Variants in ASIC2 observed in about 807,000 individuals in gnomAD.
ASIC2 encodes the protein acid sensing ion channel subunit 2.
A neutral mutation model predicts 57.3 loss-of-function variants in ASIC2; 25 were observed. The observed-to-expected ratio is 0.44, with a 90% CI of 0.32 to 0.61. The LOEUF is 0.61. Among genes scored for constraint, ASIC2 ranks in the 20% least tolerant of loss-of-function variants. The pLI is 0.06. For missense variants in ASIC2, 641 were observed against 738.1 expected, an observed-to-expected ratio of 0.87 and a Z score of 1.52; for synonymous variants, 319 against 307.5, an observed-to-expected ratio of 1.04 and a Z score of -0.39.
intron 1 of ASIC2, among the ~76,000 whole-genome samples, chr17:33,319,720 G>T (rs1195087110): frequency 1.3e-5 from 2 of 152,114 alleles, no homozygotes; most frequent in African/African-American, 4.8e-5. Flanking sequence ...TTTTTGTAGA[G>T]ATGGGGTTTC....
chr17:33,290,249 T>C (rs1307209565), intron 1 of ASIC2, among the ~76,000 whole-genome samples: 2 of 152,340 alleles, frequency 1.3e-5, no homozygotes, highest in African/African-American at 2.4e-5. Flanking sequence ...CCAACACTTG[T>C]TGGAACCGTG....
chr17:33,301,434 A>C (rs1048946804), intron 1 of ASIC2, among the ~76,000 whole-genome samples: 1 of 152,198 alleles, frequency 6.6e-6, no homozygotes, highest in Non-Finnish European at 1.5e-5. Flanking sequence ...CAGAATGTGG[A>C]TAAGTGACTA....
chr17:33,855,641 G>T (rs1441980212), intron 1 of ASIC2, among the ~76,000 whole-genome samples: 2 of 152,060 alleles, frequency 1.3e-5, no homozygotes, highest in African/African-American at 4.8e-5. Context: ...GCTGATGATG[G>T]GGATGATGAT....
Position 33,579,787 on chromosome 17 carries a change from A to C in ASIC2, c.556-467720T>G, listed in dbSNP as rs183590296. ...ATTCAGAAGAGCAAAAGAACAAACTACCACACCGTGAAAAACACCCCTTGG... is the reference window on the plus strand; with the variant it reads ...ATTCAGAAGAGCAAAAGAACAAACTCCCACACCGTGAAAAACACCCCTTGG... On this transcript the variant is annotated intron_variant, in intron 1 of 9. Coordinates refer to the ASIC2 transcript ENST00000359872. 1.1e-4 allele frequency among the ~76,000 whole-genome samples: 17 copies of C among 152,270 alleles called. 1 individual carries two copies. The highest frequency in any genetic ancestry group is 3.6e-4 in the African/African-American group (15 of 41,534).
chr17:34,143,782 A>G (rs939793530), intron 1 of ASIC2, among the ~76,000 whole-genome samples: 6 of 152,164 alleles, frequency 3.9e-5, no homozygotes, highest in Admixed American at 2.6e-4. Flanking sequence ...CACAAGCACC[A>G]TGTCTCTGGG....
intron 1 of ASIC2, chr17:33,935,299 A>G (rs1916035474): frequency 6.6e-6 from 1 of 152,240 alleles, no homozygotes; most frequent in South Asian, 2.1e-4. Context: ...CTGAGAAAAG[A>G]ATGCTGTGCC....
At chr17:33,810,697 C>T (rs1912393087) in intron 1 of ASIC2, among the ~76,000 whole-genome samples, 1 of 151,924 alleles carries the variant, frequency 6.6e-6, no homozygotes, top group Non-Finnish European at 1.5e-5. Context: ...GTGGTGAGTC[C>T]TGGGATCTTT....
At chr17:33,916,975 G>C (rs1173145706) in intron 1 of ASIC2, among the ~76,000 whole-genome samples, 2 of 152,132 alleles carry the variant, frequency 1.3e-5, no homozygotes, top group African/African-American at 2.4e-5. Flanking sequence ...CTGGTGAGTG[G>C]TGGTGTGGGT....
intron 1 of ASIC2, among the ~76,000 whole-genome samples, chr17:33,175,256 A>G (rs1905703902): frequency 6.6e-6 from 1 of 152,184 alleles, no homozygotes; most frequent in Non-Finnish European, 1.5e-5. Flanking sequence ...GATTCTTTGC[A>G]CAGTTTTCAA....
intron 1 of ASIC2, among the ~76,000 whole-genome samples, chr17:33,370,511 C>T (rs774098275): frequency 1.4e-4 from 22 of 152,172 alleles, no homozygotes; most frequent in Non-Finnish European, 1.6e-4. Context: ...GGGGAGGGGT[C>T]TGGTTCTTTA....
At chr17:33,212,251 T>A (rs144392174) in intron 1 of ASIC2, among the ~76,000 whole-genome samples, 1 of 152,306 alleles carries the variant, frequency 6.6e-6, no homozygotes, top group Non-Finnish European at 1.5e-5. Context: ...GATAAGAAGA[T>A]TATCCTGGAT....
At chr17:33,436,405 C>T (rs1032029312) in intron 1 of ASIC2, among the ~76,000 whole-genome samples, 1 of 152,178 alleles carries the variant, frequency 6.6e-6, no homozygotes, top group African/African-American at 2.4e-5. Context: ...ATCACCATTA[C>T]AGAACTGAAG....
intron 1 of ASIC2, among the ~76,000 whole-genome samples, chr17:33,613,330 C>T (rs1477528795): frequency 6.6e-6 from 1 of 151,336 alleles, no homozygotes; most frequent in Non-Finnish European, 1.5e-5. Context: ...GTGTGTGAAC[C>T]GTTCCTTGCA....
intron 1 of ASIC2, among the ~76,000 whole-genome samples, chr17:33,556,636 C>T (rs1441660475): frequency 6.6e-6 from 1 of 152,112 alleles, no homozygotes; most frequent in Non-Finnish European, 1.5e-5. Flanking sequence ...GCATCAGACA[C>T]CCAAGTTTGG....
chr17:33,106,711 G>A (rs560200577), intron 2 of ASIC2, among the ~76,000 whole-genome samples: 1 of 152,058 alleles, frequency 6.6e-6, no homozygotes. Context: ...TCCAGGGGCG[G>A]GCACCTGACT....
intron 1 of ASIC2, among the ~76,000 whole-genome samples, chr17:33,761,042 C>G (rs531609851): frequency 2.8e-4 from 42 of 152,262 alleles, no homozygotes; most frequent in South Asian, 1.7e-3. Context: ...CTAGACACAC[C>G]TGGATGAGTG....
chr17:33,805,641 A>C (rs1443442430), intron 1 of ASIC2, among the ~76,000 whole-genome samples: 1 of 152,190 alleles, frequency 6.6e-6, no homozygotes, highest in Non-Finnish European at 1.5e-5. Context: ...GCATCACTGA[A>C]TCATGGAATA....
At chr17:33,823,199 C>T (rs990224563) in intron 1 of ASIC2, among the ~76,000 whole-genome samples, 8 of 152,138 alleles carry the variant, frequency 5.3e-5, no homozygotes, top group Non-Finnish European at 7.3e-5. Flanking sequence ...CTAACTAGCT[C>T]GATGACACAA....
chr17:33,376,289 G>A (rs1005623490), intron 1 of ASIC2, among the ~76,000 whole-genome samples: 3 of 151,024 alleles, frequency 2.0e-5, no homozygotes, highest in Non-Finnish European at 4.4e-5. Flanking sequence ...TGAGAAATGA[G>A]CTAATGGGGT....
Sources: allele counts gnomAD v4.1 joint callset (sites outside exome capture counted in the v4.1 genomes callset), GRCh38; gene constraint gnomAD v4.1.1; transcripts MANE v1.5; gene names NCBI Gene and HGNC (gene_info 2026-07-23, HGNC 2026-07-21).